The following SCAPER variants were observed in gnomAD, a reference collection of about 807,000 sequenced individuals.
SCAPER encodes S-phase cyclin A associated protein in the ER.
Under a neutral mutation model 182.2 loss-of-function variants are expected in SCAPER, and 98 were observed. The observed-to-expected ratio is 0.54, with a 90% CI of 0.46 to 0.64. The LOEUF is 0.64. Ranked by LOEUF, SCAPER falls within the 30% of genes least tolerant of loss-of-function variation. The pLI is 0.00. For missense variants in SCAPER, 1,432 were observed against 1,690.0 expected, an observed-to-expected ratio of 0.85 and a Z score of 2.68; for synonymous variants, 605 against 564.6, an observed-to-expected ratio of 1.07 and a Z score of -1.01.
intron 14 of SCAPER, among the ~76,000 whole-genome samples, chr15:76,755,870 G>T (rs1386824612): frequency 6.6e-6 from 1 of 152,150 alleles, no homozygotes; most frequent in African/African-American, 2.4e-5. Flanking sequence ...ACAGCCAAAG[G>T]GGAACGAAGG....
chr15:76,510,468 C>A (rs984477869), intron 23 of SCAPER, among the ~76,000 whole-genome samples: 3 of 152,080 alleles, frequency 2.0e-5, no homozygotes, highest in Non-Finnish European at 2.9e-5. Context: ...AGAACATATA[C>A]AAATGGCCAA....
At chr15:76,862,352 CT>C in intron 3 of SCAPER, 63 bp downstream of exon 3, 1 of 1,012,894 alleles carries the variant, frequency 9.9e-7, no homozygotes. Flanking sequence ...CAGTCTATCT[CT>C]TTAGGACTAA....
intron 20 of SCAPER, among the ~76,000 whole-genome samples, chr15:76,671,769 A>T (rs2057031991): frequency 7.1e-6 from 1 of 140,626 alleles, no homozygotes; most frequent in African/African-American, 2.7e-5. Flanking sequence ...GACTCCGTTT[A>T]AAAAAAAAAA....
chr15:76,851,207 T>C (rs1006214106), intron 4 of SCAPER, among the ~76,000 whole-genome samples: 1 of 151,022 alleles, frequency 6.6e-6, no homozygotes, highest in Non-Finnish European at 1.5e-5. Flanking sequence ...GTCAAATCTG[T>C]GAATCACTGG....
At chr15:76,852,398 C>A (rs1421088340) in intron 4 of SCAPER, among the ~76,000 whole-genome samples, 1 of 152,208 alleles carries the variant, frequency 6.6e-6, no homozygotes, top group Non-Finnish European at 1.5e-5. Context: ...CTTCTCATTG[C>A]CACATGGCAC....
chr15:76,731,388 A>G (rs1224575182), intron 16 of SCAPER, among the ~76,000 whole-genome samples: 2 of 152,226 alleles, frequency 1.3e-5, no homozygotes, highest in Non-Finnish European at 2.9e-5. Flanking sequence ...CTTATAATTA[A>G]TCAATAAAGA....
chr15:76,554,759 G>A (rs1421419986), intron 23 of SCAPER, among the ~76,000 whole-genome samples: 1 of 150,258 alleles, frequency 6.7e-6, no homozygotes, highest in East Asian at 1.9e-4. Flanking sequence ...CTACAAGGCA[G>A]AAGAGATTGG....
At chr15:76,604,799 G>C (rs1308122327) in intron 22 of SCAPER, among the ~76,000 whole-genome samples, 2 of 151,364 alleles carry the variant, frequency 1.3e-5, no homozygotes, top group African/African-American at 4.8e-5. Context: ...TTGTGAATGG[G>C]AGTTCACTCA....
At chr15:76,544,619 A>AT (rs2045086823) in intron 23 of SCAPER, among the ~76,000 whole-genome samples, 2 of 152,180 alleles carry the variant, frequency 1.3e-5, no homozygotes, top group South Asian at 4.1e-4. Context: ...AGACAAATCT[A>AT]TATAGACAGA....
chr15:76,791,698 T>C (rs1235467495), intron 8 of SCAPER, among the ~76,000 whole-genome samples: 1 of 151,754 alleles, frequency 6.6e-6, no homozygotes, highest in Non-Finnish European at 1.5e-5. Context: ...CCAAGAAACC[T>C]AGCAGAAAGC....
intron 26 of SCAPER, among the ~76,000 whole-genome samples, chr15:76,419,408 T>TTAAAGAAC (rs1350233656): frequency 6.6e-6 from 1 of 151,864 alleles, no homozygotes. Context: ...TCCTAAATAT[T>TTAAAGAAC]TAAAGAACTA....
intron 22 of SCAPER, among the ~76,000 whole-genome samples, chr15:76,599,330 T>C (rs1199287707): frequency 8.2e-6 from 1 of 122,214 alleles, no homozygotes; most frequent in Non-Finnish European, 2.0e-5. Context: ...AAAATGGTAA[T>C]AATACTTTGA....
At chr15:76,879,790 G>A (rs1436431135) in intron 2 of SCAPER, among the ~76,000 whole-genome samples, 3 of 151,930 alleles carry the variant, frequency 2.0e-5, no homozygotes, top group African/African-American at 7.3e-5. Context: ...CTTCAACCCC[G>A]AGACTTGGCC....
At chr15:76,557,692 C>G (rs189481637) in intron 23 of SCAPER, among the ~76,000 whole-genome samples, 15 of 152,278 alleles carry the variant, frequency 9.9e-5, no homozygotes, top group Admixed American at 9.2e-4. Context: ...ATGCTTCCAA[C>G]TAAACCTCTT....
intron 22 of SCAPER, among the ~76,000 whole-genome samples, chr15:76,581,165 C>CCAA (rs931533176): frequency 2.6e-5 from 4 of 151,940 alleles, no homozygotes; most frequent in East Asian, 1.9e-4. Context: ...AAAAAGTCTC[C>CCAA]CAACAACAAC....
chr15:76,511,839 A>ATGTGTGTGTGTGTGTG (rs769062491), intron 23 of SCAPER, among the ~76,000 whole-genome samples: 4 of 42,456 alleles, frequency 9.4e-5, no homozygotes, highest in Non-Finnish European at 2.5e-4. Flanking sequence ...TTATATATAT[A>ATGTGTGTGTGTGTGTG]TATATGTGTG....
At chr15:76,710,484 C>T (rs1286887584) in intron 17 of SCAPER, among the ~76,000 whole-genome samples, 5 of 152,008 alleles carry the variant, frequency 3.3e-5, no homozygotes, top group Non-Finnish European at 5.9e-5. Context: ...TGTATTTCTA[C>T]ATACTAGCAA....
At chr15:76,691,834 G>A (rs983613508) in intron 20 of SCAPER, among the ~76,000 whole-genome samples, 4 of 152,052 alleles carry the variant, frequency 2.6e-5, no homozygotes, top group Admixed American at 6.5e-5. Flanking sequence ...TGTAAAAGAC[G>A]TATCAAACAG....
chr15:76,612,874 T>C (rs998333816), intron 22 of SCAPER, among the ~76,000 whole-genome samples: 10 of 152,226 alleles, frequency 6.6e-5, no homozygotes, highest in African/African-American at 1.9e-4. Flanking sequence ...TTCAATGCTA[T>C]TCCCATTAAA....
Sources: gnomAD v4.1 joint callset for allele counts (sites outside exome capture counted in the v4.1 genomes callset) on GRCh38, gnomAD v4.1.1 for gene constraint, MANE v1.5 for transcripts, NCBI Gene and HGNC (gene_info 2026-07-23, HGNC 2026-07-21) for gene names.